Variants in POC1B observed in about 807,000 individuals in gnomAD.
POC1B encodes POC1 centriolar protein B.
Under a neutral mutation model 60.6 loss-of-function variants are expected in POC1B, and 44 were observed. The ratio of observed to expected loss-of-function variants is 0.73; its 90% CI spans 0.57 to 0.93. POC1B has a LOEUF of 0.93. Ranked by LOEUF, POC1B falls within the 40% of genes least tolerant of loss-of-function variation. POC1B has a pLI of 0.00. For synonymous variants in POC1B, 180 were observed against 198.9 expected, an observed-to-expected ratio of 0.90 and a Z score of 0.80; for missense variants, 555 against 572.3, an observed-to-expected ratio of 0.97 and a Z score of 0.31.
chr12:89,401,545 C>A, the POC1B span, among the ~76,000 whole-genome samples: 36 of 151,698 alleles, frequency 2.4e-4, no homozygotes. Context: ...TAGACTCACC[C>A]AGATTTCCTG....
At chr12:89,483,845 C>G (rs1410877187) in intron 4 of POC1B, among the ~76,000 whole-genome samples, 1 of 115,424 alleles carries the variant, frequency 8.7e-6, no homozygotes, top group African/African-American at 3.3e-5. Context: ...GAAATGATAT[C>G]AGATGGAAAC....
At chr12:89,464,189 CAAGT>C (rs1391868608) in intron 9 of POC1B, among the ~76,000 whole-genome samples, 2 of 151,994 alleles carry the variant, frequency 1.3e-5, no homozygotes, top group Non-Finnish European at 2.9e-5. Flanking sequence ...AAATATTTCC[CAAGT>C]AACTGCATGT....
the POC1B span, among the ~76,000 whole-genome samples, chr12:89,401,708 T>C: frequency 3.8e-4 from 58 of 152,286 alleles, no homozygotes; most frequent in East Asian, 0.01. Context: ...TCTTTTGAAG[T>C]CAAATCCTTC....
intron 2 of POC1B, chr12:89,524,403 G>A: frequency 6.2e-7 from 1 of 1,614,018 alleles, no homozygotes; most frequent in Non-Finnish European, 8.5e-7. Flanking sequence ...GGAGGTCTGA[G>A]AGCCTTCTTG....
chr12:89,463,374 C>G (rs1882548162), intron 9 of POC1B, among the ~76,000 whole-genome samples: 1 of 152,120 alleles, frequency 6.6e-6, no homozygotes, highest in South Asian at 2.1e-4. Flanking sequence ...GCTCTACTGT[C>G]TTCTCATCAA....
chr12:89,510,311 G>C (rs1472312277), intron 2 of POC1B, among the ~76,000 whole-genome samples: 1 of 152,180 alleles, frequency 6.6e-6, no homozygotes, highest in Non-Finnish European at 1.5e-5. Context: ...CTAAAGACCT[G>C]GCCTTTCTGG....
At position 89,525,911 on chromosome 12, in the gene POC1B, C is replaced by T. The variant is rs780018593; in HGVS notation, c.-16G>A. On this transcript the variant is annotated 5_prime_UTR_variant, in exon 1 of 12. Transcript: ENST00000313546. ...CTGAGGCCATCGGGGGAGTGGTCGG[C>T]CCAAGGCTCCTGTGGGTGGGGGAAC... 2 of 1,510,462 alleles carry T rather than the reference C, an allele frequency of 1.3e-6. No individual in the cohort carries two copies. Among genetic ancestry groups the T allele is most frequent in the African/African-American group, 2.8e-5 (2 of 72,118 alleles). The allele number at this position is 1,510,462 out of a possible 1,614,324, so 93.6% of individuals were successfully genotyped here.
intron 4 of POC1B, among the ~76,000 whole-genome samples, chr12:89,488,859 T>A (rs960453141): frequency 6.6e-6 from 1 of 152,090 alleles, no homozygotes; most frequent in Non-Finnish European, 1.5e-5. Flanking sequence ...AACCGTCACG[T>A]TTTTGCTTAT....
intron 4 of POC1B, among the ~76,000 whole-genome samples, chr12:89,475,794 C>G (rs1883078292): frequency 6.6e-6 from 1 of 151,598 alleles, no homozygotes; most frequent in Admixed American, 6.6e-5. Context: ...TCAATAGTGA[C>G]TACTGGATCA....
At chr12:89,482,529 A>G (rs2135729319) in intron 4 of POC1B, among the ~76,000 whole-genome samples, 1 of 152,338 alleles carries the variant, frequency 6.6e-6, no homozygotes, top group South Asian at 2.1e-4. Flanking sequence ...TAGGCCCATT[A>G]TGGTCAAATT....
At chr12:89,469,526 C>A (rs1268096276) in intron 7 of POC1B, among the ~76,000 whole-genome samples, 1 of 152,162 alleles carries the variant, frequency 6.6e-6, no homozygotes, top group Non-Finnish European at 1.5e-5. Flanking sequence ...TAGACAAGGG[C>A]AGGTCTCCCC....
At chr12:89,443,383 C>A (rs929353174) in intron 10 of POC1B, among the ~76,000 whole-genome samples, 3 of 152,180 alleles carry the variant, frequency 2.0e-5, no homozygotes, top group Non-Finnish European at 4.4e-5. Flanking sequence ...TGTAAAAGAA[C>A]AGAAATGATA....
intron 3 of POC1B, among the ~76,000 whole-genome samples, chr12:89,492,985 G>A (rs1005813415): frequency 1.3e-5 from 2 of 152,098 alleles, no homozygotes; most frequent in African/African-American, 2.4e-5. Context: ...TGCTAAGAGC[G>A]TAACTCCAAG....
chr12:89,520,483 C>T (rs1382381712), intron 2 of POC1B: 1 of 151,972 alleles, frequency 6.6e-6, no homozygotes, highest in African/African-American at 2.4e-5. Flanking sequence ...AGGAGAATCC[C>T]TTTCGAAAAA....
chr12:89,523,472 C>T (rs377318188), intron 2 of POC1B: 48 of 1,613,554 alleles, frequency 3.0e-5, no homozygotes, highest in Non-Finnish European at 3.9e-5. Context: ...ACATGGCCCA[C>T]GTGGGAACAC....
intron 2 of POC1B, chr12:89,522,663 T>A (rs573158401): frequency 1.0e-6 from 1 of 953,342 alleles, no homozygotes; most frequent in Non-Finnish European, 1.5e-6. Context: ...TTCAGTGTGA[T>A]ATACCAAAAT....
rs1422121116 is a variant in POC1B at position 89,420,491 on chromosome 12, T to G, written c.*662A>C. 6.6e-6 allele frequency: 1 copy of G among 152,232 alleles called. No homozygotes were observed. Among genetic ancestry groups the G allele is most frequent in the East Asian group, 1.9e-4 (1 of 5,202 alleles). The allele number at this position is 152,232 out of a possible 1,614,324, so 9.4% of individuals were successfully genotyped here. On this transcript the variant is annotated 3_prime_UTR_variant, in exon 12 of 12. Transcript: ENST00000313546. ...GATAGAAAGATAGGTGAGTTTCATT[T>G]CCTTCAGGTTGGCCAATGGATAAAC...
At chr12:89,426,792 C>T (rs1306612454) in intron 10 of POC1B, 1 of 151,456 alleles carries the variant, frequency 6.6e-6, no homozygotes, top group Non-Finnish European at 1.5e-5. Context: ...CCACTTTACT[C>T]CAGCCTGGGT....
chr12:89,412,025 C>T, the POC1B span, among the ~76,000 whole-genome samples: 2 of 152,218 alleles, frequency 1.3e-5, no homozygotes, highest in Non-Finnish European at 2.9e-5. Context: ...CCCCTGACTT[C>T]GTCTTTGTTC....
Sources: gnomAD v4.1 joint callset for allele counts (sites outside exome capture counted in the v4.1 genomes callset) on GRCh38, gnomAD v4.1.1 for gene constraint, MANE v1.5 for transcripts, NCBI Gene and HGNC (gene_info 2026-07-23, HGNC 2026-07-21) for gene names.